Variants in MSANTD3 observed in about 807,000 individuals in gnomAD.
MSANTD3 encodes Myb/SANT DNA binding domain containing 3.
A neutral mutation model predicts 27.7 loss-of-function variants in MSANTD3; 11 were observed. The ratio of observed to expected loss-of-function variants is 0.40; its 90% CI spans 0.25 to 0.66. MSANTD3 has a LOEUF of 0.66. MSANTD3 is among the 30% of genes least tolerant of loss of function. The pLI, the probability that MSANTD3 is intolerant of heterozygous loss-of-function variation, is 0.41. For synonymous variants in MSANTD3, 131 were observed against 127.2 expected, an observed-to-expected ratio of 1.03 and a Z score of -0.20; for missense variants, 250 against 336.5, an observed-to-expected ratio of 0.74 and a Z score of 2.01.
At chr9:100,427,671 C>A (rs960226184) in intron 1 of MSANTD3, 12 of 152,280 alleles carry the variant, frequency 7.9e-5, no homozygotes, top group African/African-American at 2.9e-4. Flanking sequence ...CTTTGGACTC[C>A]CGGGCTCGGG....
chr9:100,443,661 A>C (rs1321884744), intron 2 of MSANTD3, among the ~76,000 whole-genome samples: 1 of 152,234 alleles, frequency 6.6e-6, no homozygotes, highest in Non-Finnish European at 1.5e-5. Context: ...CATATAATGA[A>C]GGATGCAATG....
At chr9:100,443,255 C>T (rs1426124481) in intron 2 of MSANTD3, among the ~76,000 whole-genome samples, 4 of 151,608 alleles carry the variant, frequency 2.6e-5, no homozygotes. Flanking sequence ...CAAAATTAGC[C>T]GGGCGTGGTG....
At chr9:100,443,399 C>CAAAAAAATAA (rs1836676875) in intron 2 of MSANTD3, among the ~76,000 whole-genome samples, 1 of 117,598 alleles carries the variant, frequency 8.5e-6, no homozygotes, top group Non-Finnish European at 1.8e-5. Flanking sequence ...AACTCCATCT[C>CAAAAAAATAA]AAAAAAAAAA....
intron 2 of MSANTD3, chr9:100,445,007 C>A: frequency 1.8e-6 from 1 of 560,756 alleles, no homozygotes. Context: ...GCTCCTTGCT[C>A]CTGTGTCCAG....
intron 1 of MSANTD3, among the ~76,000 whole-genome samples, chr9:100,441,639 CA>C (rs556618103): frequency 5.4e-5 from 8 of 148,472 alleles, no homozygotes; most frequent in African/African-American, 9.9e-5. Flanking sequence ...GACTCCGTTT[CA>C]AAAAAAAAAT....
At chr9:100,434,879 TGA>T in intron 1 of MSANTD3, among the ~76,000 whole-genome samples, 1 of 152,304 alleles carries the variant, frequency 6.6e-6, no homozygotes, top group East Asian at 1.9e-4. Context: ...AGAACAGTGC[TGA>T]GCCTTTGGCA....
chr9:100,431,290 C>T (rs1836371701), intron 1 of MSANTD3, among the ~76,000 whole-genome samples: 1 of 149,950 alleles, frequency 6.7e-6, no homozygotes, highest in Non-Finnish European at 1.5e-5. Context: ...GCGTGAGCCA[C>T]CATGCCTAGC....
At chr9:100,431,253 C>G (rs1031429377) in intron 1 of MSANTD3, among the ~76,000 whole-genome samples, 1 of 151,086 alleles carries the variant, frequency 6.6e-6, no homozygotes. Flanking sequence ...CCTCCCACCT[C>G]GGCCTCCCAA....
At chr9:100,448,523 T>C (rs1323306772) in intron 2 of MSANTD3, 2 of 985,322 alleles carry the variant, frequency 2.0e-6, no homozygotes, top group African/African-American at 3.5e-5. Context: ...GCACTGTTCC[T>C]TCTCCATGGT....
chr9:100,431,040 T>C (rs142636091), intron 1 of MSANTD3, among the ~76,000 whole-genome samples: 70 of 152,186 alleles, frequency 4.6e-4, no homozygotes, highest in African/African-American at 1.4e-3. Context: ...TTTGCTCTTG[T>C]TGCCCAGGCT....
chr9:100,449,049 G>A, intron 2 of MSANTD3: 1 of 985,258 alleles, frequency 1.0e-6, no homozygotes, highest in Non-Finnish European at 1.2e-6. Flanking sequence ...ATAACGGAGT[G>A]GACGTAATAA....
chr9:100,440,313 C>T (rs1439077204), intron 1 of MSANTD3, among the ~76,000 whole-genome samples: 1 of 152,154 alleles, frequency 6.6e-6, no homozygotes, highest in Non-Finnish European at 1.5e-5. Flanking sequence ...CTTTCTATGT[C>T]ACCATCTTTG....
chr9:100,435,814 C>T (rs1836466900), intron 1 of MSANTD3, among the ~76,000 whole-genome samples: 1 of 152,184 alleles, frequency 6.6e-6, no homozygotes, highest in South Asian at 2.1e-4. Flanking sequence ...ACCTTAATTG[C>T]TTCCTCAGAT....
chr9:100,440,550 A>T (rs1420179629), intron 1 of MSANTD3, among the ~76,000 whole-genome samples: 1 of 151,506 alleles, frequency 6.6e-6, no homozygotes, highest in Admixed American at 6.6e-5. Flanking sequence ...TGAGGTTGCC[A>T]TTGCTCCAGG....
chr9:100,449,729 C>G (rs1024611857), intron 2 of MSANTD3, among the ~76,000 whole-genome samples: 9 of 152,020 alleles, frequency 5.9e-5, no homozygotes, highest in Non-Finnish European at 8.8e-5. Flanking sequence ...TTACTTAGGG[C>G]AGATAAGAAC....
intron 2 of MSANTD3, chr9:100,445,297 A>ATG: frequency 1.0e-6 from 1 of 993,438 alleles, no homozygotes; most frequent in Non-Finnish European, 1.6e-6. Flanking sequence ...GACATAAGGA[A>ATG]TGTGTGTGTG....
Position 100,441,886 on chromosome 9 carries a change from C to T in MSANTD3, c.-33-20C>T. 6.5e-7 allele frequency: 1 copy of T among 1,534,894 alleles called. No individual in the cohort carries two copies. Among genetic ancestry groups the T allele is most frequent in the Non-Finnish European group, 8.7e-7 (1 of 1,143,216 alleles). ...TTTTTGCTGGAGTTGGTAATCATTG[C>T]TTCAAACTTCCTTTTACAGGATAGC... On this transcript the variant is annotated intron_variant, in intron 1 of 2. Coordinates refer to ENST00000395067, the MANE Select transcript of MSANTD3 (RefSeq NM_080655.3).
In MSANTD3 at chr9:100,442,329, G is replaced by A. The variant is rs779304574; in HGVS notation, c.391G>A (p.Glu131Lys). 3.1e-6 allele frequency: 5 copies of A among 1,613,158 alleles called. No homozygotes were observed. The highest frequency in any genetic ancestry group is 1.1e-5 in the South Asian group (1 of 91,066). Residue 131 changes from glutamate (E) to lysine (K), a missense_variant, in exon 2 of 3, where the codon GAA (glutamate) becomes AAA (lysine). Physicochemically the swap from Glu to Lys is moderately conservative, Grantham distance 56 (BLOSUM62 1). Around this residue, in one of 3 missense-constraint regions of MSANTD3, gnomAD observed 235 missense variants for 299.3 expected, o/e 0.79. Coordinates refer to ENST00000395067, the MANE Select transcript of MSANTD3 (RefSeq NM_080655.3). ...GCAGAGCCCCCCGGAGGAGGAGCCC[G>A]AATACCACCCCGACGCCTCAGCCCA... ...FLQSPPEEEP[E>K]YHPDASAQES... is the part of the protein sequence containing the mutation.
intron 1 of MSANTD3, among the ~76,000 whole-genome samples, chr9:100,439,541 GCTCTGT>G (rs1415195582): frequency 2.0e-5 from 3 of 148,852 alleles, no homozygotes; most frequent in Non-Finnish European, 4.4e-5. Context: ...ACAGAGTCTT[GCTCTGT>G]CATCCAGGCT....
Sources: gnomAD v4.1 joint callset for allele counts (sites outside exome capture counted in the v4.1 genomes callset) on GRCh38, gnomAD v4.1.1 for gene constraint, gnomAD v4.1.1 regional missense constraint, MANE v1.5 for transcripts, NCBI Gene and HGNC (gene_info 2026-07-23, HGNC 2026-07-21) for gene names.